The following DNAH11 variants were observed in gnomAD, a reference collection of about 807,000 sequenced individuals.
The protein encoded by DNAH11 is dynein axonemal heavy chain 11, also known as axonemal beta dynein heavy chain 11.
A neutral mutation model predicts 526.0 loss-of-function variants in DNAH11; 442 were observed. That is an observed-to-expected ratio of 0.84 (90% CI 0.78 to 0.91). The LOEUF is 0.91. Among genes scored for constraint, DNAH11 ranks in the 40% least tolerant of loss-of-function variants. The probability of loss-of-function intolerance (pLI) is 0.00; values close to 1 mark genes in which losing one functional copy is unlikely to be tolerated. For missense variants in DNAH11, 6,989 were observed against 5,448.7 expected, an observed-to-expected ratio of 1.28 and a Z score of -8.90; for synonymous variants, 2,461 against 1,935.9, an observed-to-expected ratio of 1.27 and a Z score of -7.12.
At chr7:21,575,066 G>T (rs1322058773) in intron 8 of DNAH11, among the ~76,000 whole-genome samples, 1 of 151,448 alleles carries the variant, frequency 6.6e-6, no homozygotes, top group East Asian at 1.9e-4. Flanking sequence ...ATAGAGATGG[G>T]GTTTTCCACC....
intron 69 of DNAH11, 30 bp from the exon 70 acceptor site, chr7:21,864,505 T>A (rs1404814980): frequency 1.9e-6 from 3 of 1,606,094 alleles, no homozygotes; most frequent in South Asian, 1.1e-5. Flanking sequence ...GTAAACCTAA[T>A]AATCCTTTTC....
chr7:21,564,395 C>T lies in DNAH11; in HGVS notation c.1192C>T (p.Gln398Ter). 6.2e-7 allele frequency: 1 copy of T among 1,608,242 alleles called. No homozygotes were observed. The highest frequency in any genetic ancestry group is 8.5e-7 in the Non-Finnish European group (1 of 1,176,354). Residue 398 changes from glutamine to a stop codon, truncating the protein, a stop_gained and splice_region_variant, in exon 6 of 82, where the codon CAG becomes TAG. Coordinates refer to ENST00000409508, the MANE Select transcript of DNAH11 (RefSeq NM_001277115.2). LOFTEE classifies it high-confidence loss of function. ...AGAGTTTTGTAATCTCTTCATTAACCAGGTATGAAGCATCAAAAAACAGGA... is the reference window on the plus strand; with the variant it reads ...AGAGTTTTGTAATCTCTTCATTAACTAGGTATGAAGCATCAAAAAACAGGA... ...LQEFCNLFIN[Q>*]ATAYLSPEDL...
intron 62 of DNAH11, 82 bp from the exon 63 acceptor site, chr7:21,807,801 G>A: frequency 1.4e-6 from 2 of 1,379,574 alleles, no homozygotes; most frequent in East Asian, 4.8e-5. Flanking sequence ...CGTAAACCTT[G>A]CCATAAGGTA....
At chr7:21,577,793 CAGTT>C (rs1276604287) in intron 8 of DNAH11, among the ~76,000 whole-genome samples, 7 of 151,954 alleles carry the variant, frequency 4.6e-5, no homozygotes, top group African/African-American at 1.5e-4. Context: ...AGTAGAATAT[CAGTT>C]AGTATACCAA....
At chr7:21,600,198 G>T (rs1427973784) in intron 15 of DNAH11, 79 bp downstream of exon 15, 4 of 1,307,222 alleles carry the variant, frequency 3.1e-6, no homozygotes, top group Non-Finnish European at 4.1e-6. Flanking sequence ...GGTAGCTCAT[G>T]CTGGGAATCC....
At chr7:21,819,123 G>A (rs752516193) in intron 65 of DNAH11, among the ~76,000 whole-genome samples, 6 of 152,200 alleles carry the variant, frequency 3.9e-5, no homozygotes, top group Middle Eastern at 3.4e-3. Flanking sequence ...TCACACAACC[G>A]ACATTCACTA....
rs1302623972 is a variant in DNAH11 at position 21,784,375 on chromosome 7, A to T, written c.9484-52A>T. ...AGTCAACCTCCATTTTTCTTTAGAGATATCTGTGATAATAATTTATACGGG... is the reference window on the plus strand; with the variant it reads ...AGTCAACCTCCATTTTTCTTTAGAGTTATCTGTGATAATAATTTATACGGG... On this transcript the variant is annotated intron_variant, in intron 57 of 81. Coordinates refer to ENST00000409508, the MANE Select transcript of DNAH11 (RefSeq NM_001277115.2). The T allele has an allele frequency of 3.7e-6, 5 of 1,353,590 alleles. No homozygotes were observed. In the African/African-American group the frequency reaches 7.2e-5, roughly 19 times the overall value. The allele number at this position is 1,353,590 out of a possible 1,614,324, so 83.8% of individuals were successfully genotyped here. A position where few individuals can be genotyped will look rare whatever the true frequency, so the allele number is the denominator to read the frequency against.
intron 25 of DNAH11, 122 bp from the exon 26 acceptor site, chr7:21,635,749 C>G (rs963895103): frequency 1.0e-5 from 7 of 698,082 alleles, no homozygotes; most frequent in African/African-American, 5.4e-5. Context: ...AATGCCAGTT[C>G]CAGATATTAC....
At chr7:21,724,912 G>T (rs77500009) in intron 44 of DNAH11, among the ~76,000 whole-genome samples, 2 of 108,540 alleles carry the variant, frequency 1.8e-5, no homozygotes, top group Non-Finnish European at 3.9e-5. Context: ...GGATATAGGA[G>T]TCACTGGGCC....
intron 55 of DNAH11, among the ~76,000 whole-genome samples, chr7:21,766,964 G>A (rs1365728211): frequency 6.6e-6 from 1 of 152,082 alleles, no homozygotes; most frequent in Non-Finnish European, 1.5e-5. Flanking sequence ...CACTTAAAAC[G>A]TTTCCACAAA....
At chr7:21,679,475 T>C (rs1583587555) in intron 30 of DNAH11, among the ~76,000 whole-genome samples, 1 of 152,204 alleles carries the variant, frequency 6.6e-6, no homozygotes, top group African/African-American at 2.4e-5. Flanking sequence ...TACATCAAAA[T>C]ATCACGTTGT....
At chr7:21,856,778 A>T (rs533577862) in intron 68 of DNAH11, among the ~76,000 whole-genome samples, 107 of 88,492 alleles carry the variant, frequency 1.2e-3, no homozygotes, top group Non-Finnish European at 2.3e-3. Flanking sequence ...AATTTCAACA[A>T]ATGAGTTAAA....
intron 25 of DNAH11, among the ~76,000 whole-genome samples, chr7:21,630,541 A>G (rs1449778960): frequency 6.6e-6 from 1 of 152,208 alleles, no homozygotes; most frequent in Non-Finnish European, 1.5e-5. Flanking sequence ...GTCAGGGAAA[A>G]TACTTCAATC....
chr7:21,825,025 C>T (rs898894875), intron 65 of DNAH11, among the ~76,000 whole-genome samples: 1 of 152,090 alleles, frequency 6.6e-6, no homozygotes, highest in Non-Finnish European at 1.5e-5. Flanking sequence ...GCGCCTGCCA[C>T]CAGGCCTGGC....
intron 70 of DNAH11, among the ~76,000 whole-genome samples, chr7:21,864,924 A>G (rs1015105038): frequency 1.3e-4 from 20 of 152,234 alleles, no homozygotes; most frequent in Non-Finnish European, 1.2e-4. Flanking sequence ...ATAAAAGCCA[A>G]GTGATACAAA....
chr7:21,726,860 C>CAAAAAAAAAAAA (rs1166791175), intron 45 of DNAH11, among the ~76,000 whole-genome samples: 1 of 13,812 alleles, frequency 7.2e-5, no homozygotes, highest in African/African-American at 3.9e-4. Context: ...GACTCTGTCT[C>CAAAAAAAAAAAA]AAAAAAAAAA....
chr7:21,659,139 T>G, intron 30 of DNAH11, 108 bp downstream of exon 30: 1 of 944,788 alleles, frequency 1.1e-6, no homozygotes, highest in Non-Finnish European at 1.6e-6. Context: ...GTGTGCAAAA[T>G]ACTATGCTGG....
intron 52 of DNAH11, among the ~76,000 whole-genome samples, chr7:21,749,440 C>T (rs1786303784): frequency 6.6e-6 from 1 of 152,146 alleles, no homozygotes; most frequent in Non-Finnish European, 1.5e-5. Context: ...CTGTTTTCAT[C>T]CCTCTGCTCC....
At chr7:21,880,433 G>A (rs557398029) in intron 74 of DNAH11, among the ~76,000 whole-genome samples, 4 of 152,318 alleles carry the variant, frequency 2.6e-5, no homozygotes, top group South Asian at 4.1e-4. Context: ...AGTATGACAT[G>A]GTTAAAATGA....
Sources: gnomAD v4.1 joint callset for allele counts (sites outside exome capture counted in the v4.1 genomes callset) on GRCh38, gnomAD v4.1.1 for gene constraint, MANE v1.5 for transcripts, NCBI Gene and HGNC (gene_info 2026-07-23, HGNC 2026-07-21) for gene names.